Variants in PENK observed in about 807,000 individuals in gnomAD.
PENK encodes proenkephalin-A.
PENK carries 25 observed loss-of-function variants against 24.1 expected under a neutral mutation model. That is an observed-to-expected ratio of 1.04 (90% CI 0.76 to 1.45). PENK has a LOEUF of 1.45. Ranked by LOEUF, PENK falls within the 40% of genes most tolerant of loss-of-function variation. The pLI, the probability that PENK is intolerant of heterozygous loss-of-function variation, is 0.00. For synonymous variants in PENK, 135 were observed against 130.3 expected, an observed-to-expected ratio of 1.04 and a Z score of -0.24; for missense variants, 353 against 337.9, an observed-to-expected ratio of 1.04 and a Z score of -0.35.
Position 56,441,583 on chromosome 8 carries a change from C to A in PENK, c.493G>T (p.Asp165Tyr). Residue 165 changes from aspartate to tyrosine, a missense_variant, in exon 4 of 4, where the codon GAC (aspartate) becomes TAC (tyrosine). Transcript: ENST00000451791. ...DLLKELLETG[D>Y]NRERSHHQDG... ...TGGTGGTGGCTACGCTCTCGGTTGT[C>A]CCCTGTTTCCAGAAGCTCTTTTAGC... 6.2e-7 allele frequency: 1 copy of A among 1,614,040 alleles called. No individual in the cohort carries two copies.
chr8:56,446,021 A>T, intron 2 of PENK, 65 bp from the exon 3 acceptor site: 1 of 1,481,464 alleles, frequency 6.8e-7, no homozygotes, highest in African/African-American at 1.4e-5. Flanking sequence ...CCTCGGCAGG[A>T]CCCTCGCCGC....
rs200538662 is a variant in PENK, at chr8:56,441,448, A to G, written c.628T>C (p.Tyr210His). The G allele has an allele frequency of 1.2e-5, 20 of 1,613,622 alleles. No homozygotes were observed. The highest frequency in any genetic ancestry group is 5.0e-5 in the Admixed American group (3 of 59,992). ...EDEAKELQKR[Y>H]GGFMRRVGRP... ...CCTACTCTTCTCATGAAGCCCCCATATCGCTTCTGCAGCTCTTTGGCTTCA... is the reference window on the plus strand; with the variant it reads ...CCTACTCTTCTCATGAAGCCCCCATGTCGCTTCTGCAGCTCTTTGGCTTCA... The change falls in exon 4 of 4, where the codon TAT becomes CAT. Residue 210 changes from tyrosine (Y) to histidine (H), a missense_variant. Coordinates refer to ENST00000451791, the MANE Select transcript of PENK (RefSeq NM_001135690.3).
intron 3 of PENK, among the ~76,000 whole-genome samples, chr8:56,442,309 C>T (rs1395525963): frequency 6.6e-6 from 1 of 152,056 alleles, no homozygotes; most frequent in East Asian, 1.9e-4. Flanking sequence ...TGAGATTTTT[C>T]TAACCAAAAA....
In PENK at chr8:56,441,468, G is replaced by A; in HGVS notation, c.608C>T (p.Ala203Val). The change falls in exon 4 of 4, where the codon GCC becomes GTC. Residue 203 changes from alanine to valine, a missense_variant. Transcript: ENST00000451791. ...LKRSPQLEDE[A>V]KELQKRYGGF... ...CCCATATCGCTTCTGCAGCTCTTTG[G>A]CTTCATCTTCCAGTTGGGGGCTTCT... The A allele has an allele frequency of 6.2e-7, 1 of 1,612,468 alleles. No individual in the cohort carries two copies. The highest frequency in any genetic ancestry group is 8.5e-7 in the Non-Finnish European group (1 of 1,179,626).
rs868297256 is a variant in PENK at position 56,441,724 on chromosome 8, A to G, written c.352T>C (p.Tyr118His). 2 of 1,613,336 alleles carry G rather than the reference A, an allele frequency of 1.2e-6. No homozygotes were observed. The highest frequency in any genetic ancestry group is 2.7e-5 in the African/African-American group (2 of 74,702). Residue 118 changes from tyrosine (Y) to histidine (H), a missense_variant, in exon 4 of 4, where the codon TAT (tyrosine) becomes CAT (histidine). Physicochemically the swap from Tyr to His is moderately conservative, Grantham distance 83. Transcript: ENST00000451791. ...GGFMKKMDEL[Y>H]PMEPEEEANG... The stretch of plus-strand genomic sequence containing the variant: ...GCCTCTTCTTCTGGCTCCATGGGAT[A>G]AAGCTCATCCATTTTCTTCATGAAG...
At chr8:56,441,963 T>C (rs759363414) in intron 3 of PENK, 26 bp from the exon 4 acceptor site, 3 of 1,557,478 alleles carry the variant, frequency 1.9e-6, no homozygotes, top group East Asian at 2.3e-5. Flanking sequence ...GATGTAATGA[T>C]AAAAAGAAGC....
Position 56,441,290 on chromosome 8 carries a change from T to C in PENK, c.786A>G (p.Gly262=). The C allele has an allele frequency of 6.2e-7, 1 of 1,605,216 alleles. No homozygotes were observed. The highest frequency in any genetic ancestry group is 8.5e-7 in the Non-Finnish European group (1 of 1,175,786). Residue 262 remains glycine (G), a synonymous_variant, in exon 4 of 4, where the codon GGA becomes GGG. Transcript: ENST00000451791. ...AAAGATATTAAAATCTCATAAATCC[T>C]CCGTATCTTTTTTCCATTTCAGGAA... is the stretch of plus-strand genomic sequence containing the variant. ...KEVPEMEKRY[G]GFMRF is the part of the protein sequence containing the mutation.
Position 56,441,069 on chromosome 8 carries a change from C to T in PENK, c.*203G>A. The T allele has an allele frequency of 2.0e-6, 1 of 490,574 alleles. No homozygotes were observed. Among genetic ancestry groups the T allele is most frequent in the Non-Finnish European group, 3.6e-6 (1 of 277,280 alleles). The allele number at this position is 490,574 out of a possible 1,614,324, so 30.4% of individuals were successfully genotyped here. A position where few individuals can be genotyped will look rare whatever the true frequency, so the allele number is the denominator to read the frequency against. The stretch of plus-strand genomic sequence containing the variant: ...CTATTTTAGCATGAAAACGAGATAG[C>T]TGCAATAGACTAATACTGAGCTTAA... On this transcript the variant is annotated 3_prime_UTR_variant, in exon 4 of 4. Coordinates refer to ENST00000451791, the MANE Select transcript of PENK (RefSeq NM_001135690.3).
At chr8:56,444,714 AAT>A (rs769479545) in intron 3 of PENK, among the ~76,000 whole-genome samples, 72 of 152,360 alleles carry the variant, frequency 4.7e-4, no homozygotes, top group Non-Finnish European at 8.2e-4. Flanking sequence ...TTTAACCTGA[AAT>A]ATATACCACA....
At chr8:56,445,273 T>C (rs1804634047) in intron 3 of PENK, 1 of 195,704 alleles carries the variant, frequency 5.1e-6, no homozygotes, top group South Asian at 1.8e-4. Flanking sequence ...ATCCCTTTGC[T>C]CTCTCCTATT....
At chr8:56,444,382 G>T (rs9298551) in intron 3 of PENK, among the ~76,000 whole-genome samples, 2 of 152,218 alleles carry the variant, frequency 1.3e-5, no homozygotes, top group Admixed American at 6.5e-5. Flanking sequence ...TGTTGAGCAG[G>T]CAAAGCTCAA....
At chr8:56,445,635 G>A (rs942043198) in intron 3 of PENK, 181 bp downstream of exon 3, 2 of 740,898 alleles carry the variant, frequency 2.7e-6, no homozygotes, top group African/African-American at 1.7e-5. Context: ...GCCAGGGCAG[G>A]ACTTCAGTCA....
At chr8:56,445,604 C>A in intron 3 of PENK, 1 of 655,054 alleles carries the variant, frequency 1.5e-6, no homozygotes, top group Non-Finnish European at 2.7e-6. Flanking sequence ...CCCAGATAGT[C>A]GCGGATCCCC....
intron 2 of PENK, 178 bp downstream of exon 2, chr8:56,446,248 G>A (rs1008732029): frequency 2.0e-5 from 9 of 448,374 alleles, no homozygotes; most frequent in African/African-American, 1.4e-4. Context: ...CGGAGAGAAC[G>A]CCGCAGACCA....
Position 56,441,670 on chromosome 8 carries a change from A to C in PENK, c.406T>G (p.Tyr136Asp). 1 of 1,613,010 alleles carries C rather than the reference A, an allele frequency of 6.2e-7. No homozygotes were observed. Among genetic ancestry groups the C allele is most frequent in the Non-Finnish European group, 8.5e-7 (1 of 1,179,758 alleles). Residue 136 changes from tyrosine (Y) to aspartate (D), a missense_variant, in exon 4 of 4, where the codon TAT becomes GAT. Tyr to Asp is a radical substitution (Grantham distance 160). Transcript: ENST00000451791. ...GCATCCTTCTTCATGAAGCCCCCAT[A>C]CCGCTTGGCGAGGATCTCACTTCCA... ...ANGSEILAKR[Y>D]GGFMKKDAEE...
intron 3 of PENK, 53 bp downstream of exon 3, chr8:56,445,763 T>G (rs745703015): frequency 1.9e-6 from 3 of 1,610,052 alleles, no homozygotes; most frequent in Non-Finnish European, 2.5e-6. Context: ...CGCGTACTGT[T>G]GCGGAAACTC....
chr8:56,445,824 T>A lies in PENK; in HGVS notation c.130A>T (p.Asn44Tyr). 6.2e-7 allele frequency: 1 copy of A among 1,613,448 alleles called. No homozygotes were observed. The highest frequency in any genetic ancestry group is 8.5e-7 in the Non-Finnish European group (1 of 1,179,924). ...CCGCGCGCAACACTCACCAGGAAGT[T>A]GATGTCGGCCGGGCGCACTAGGCGG... is the stretch of plus-strand genomic sequence containing the variant. Reference protein sequence around the residue: ...SYRLVRPADINFLACVMECEG... With the variant: ...SYRLVRPADIYFLACVMECEG... The change falls in exon 3 of 4, where the codon AAC (asparagine) becomes TAC (tyrosine). Residue 44 changes from asparagine (N) to tyrosine (Y), a missense_variant. Coordinates refer to ENST00000451791, the MANE Select transcript of PENK (RefSeq NM_001135690.3).
At chr8:56,443,113 G>A (rs913868520) in intron 3 of PENK, among the ~76,000 whole-genome samples, 3 of 152,082 alleles carry the variant, frequency 2.0e-5, no homozygotes, top group East Asian at 1.9e-4. Context: ...TTGAAGGCAC[G>A]TATTTAGTAA....
At chr8:56,445,442 AG>A in intron 3 of PENK, 1 of 477,630 alleles carries the variant, frequency 2.1e-6, no homozygotes, top group Non-Finnish European at 3.7e-6. Flanking sequence ...GGGATATGTT[AG>A]GAGTTGTGGT....
Sources: allele counts gnomAD v4.1 joint callset (sites outside exome capture counted in the v4.1 genomes callset), GRCh38; gene constraint gnomAD v4.1.1; transcripts MANE v1.5; gene names NCBI Gene and HGNC (gene_info 2026-07-23, HGNC 2026-07-21).